Variants in OSBPL11 observed in about 807,000 individuals in gnomAD.
OSBPL11 encodes the protein oxysterol-binding protein-related protein 11.
Under a neutral mutation model 84.4 loss-of-function variants are expected in OSBPL11, and 33 were observed. That is an observed-to-expected ratio of 0.39 (90% CI 0.30 to 0.52). The LOEUF (loss-of-function observed/expected upper bound fraction) is 0.52. Ranked by LOEUF, OSBPL11 falls within the 20% of genes least tolerant of loss-of-function variation. OSBPL11 has a pLI of 0.72. For missense variants in OSBPL11, 736 were observed against 901.1 expected (o/e 0.82, Z 2.35); for synonymous variants, 276 against 310.2 (o/e 0.89, Z 1.16).
intron 11 of OSBPL11, among the ~76,000 whole-genome samples, chr3:125,534,149 C>T (rs975130988): frequency 3.3e-5 from 5 of 151,930 alleles, no homozygotes; most frequent in African/African-American, 1.2e-4. Context: ...GGGAGGCCGA[C>T]GTGAGTGGAT....
intron 1 of OSBPL11, among the ~76,000 whole-genome samples, chr3:125,584,281 G>A (rs1203474268): frequency 5.3e-5 from 8 of 151,932 alleles, no homozygotes; most frequent in African/African-American, 1.9e-4. Context: ...CAGGAGAATC[G>A]CTTGAACCCA....
In OSBPL11 at chr3:125,579,875, A is replaced by G. The variant is rs1936393954; in HGVS notation, c.399T>C (p.Tyr133=). 1 of 1,614,128 alleles carries G rather than the reference A, an allele frequency of 6.2e-7. No individual in the cohort carries two copies. The change falls in exon 3 of 13, where the codon TAT becomes TAC. Residue 133 remains tyrosine (Y), a synonymous_variant. Transcript: ENST00000296220. ...ATATTTTGGTCATACCTCTGAGTTTATATTGTTCCCCACTGGCAGCGTTTA... is the reference window on the plus strand; with the variant it reads ...ATATTTTGGTCATACCTCTGAGTTTGTATTGTTCCCCACTGGCAGCGTTTA... ...FTVNAASGEQ[Y]KLRATDAKER...
intron 5 of OSBPL11, among the ~76,000 whole-genome samples, chr3:125,573,443 G>C (rs1283527113): frequency 6.6e-6 from 1 of 152,190 alleles, no homozygotes; most frequent in Non-Finnish European, 1.5e-5. Context: ...AGCATGGACT[G>C]AAAAGGAAGG....
chr3:125,577,279 A>G (rs752176381), intron 4 of OSBPL11, among the ~76,000 whole-genome samples: 5 of 152,188 alleles, frequency 3.3e-5, no homozygotes, highest in African/African-American at 1.2e-4. Flanking sequence ...TGCTGCCCAT[A>G]TATTAATTTT....
chr3:125,586,845 G>C (rs986646082), intron 1 of OSBPL11, among the ~76,000 whole-genome samples: 1 of 152,058 alleles, frequency 6.6e-6, no homozygotes, highest in South Asian at 2.1e-4. Flanking sequence ...TTCTTTATCA[G>C]ACTTAAGATA....
chr3:125,579,601 T>C (rs1936389641), intron 3 of OSBPL11, among the ~76,000 whole-genome samples: 1 of 152,232 alleles, frequency 6.6e-6, no homozygotes, highest in African/African-American at 2.4e-5. Context: ...TCTATGTTTC[T>C]AGATTTTCAG....
At chr3:125,588,686 G>A (rs1464176550) in intron 1 of OSBPL11, among the ~76,000 whole-genome samples, 2 of 152,178 alleles carry the variant, frequency 1.3e-5, no homozygotes, top group Non-Finnish European at 2.9e-5. Context: ...ATGAAGCGGG[G>A]AGTGGCTTGC....
At chr3:125,583,958 A>G (rs1936467105) in intron 1 of OSBPL11, among the ~76,000 whole-genome samples, 1 of 152,166 alleles carries the variant, frequency 6.6e-6, no homozygotes, top group African/African-American at 2.4e-5. Context: ...TTCAGGCTTA[A>G]GCAGCTCTTT....
chr3:125,580,514 CAAAAAAAAAAA>C (rs56041212), intron 2 of OSBPL11, among the ~76,000 whole-genome samples: 4 of 64,980 alleles, frequency 6.2e-5, no homozygotes, highest in Admixed American at 2.0e-4. Context: ...AACTCCGTCT[CAAAAAAAAAAA>C]AAAAAAAAAA....
Position 125,560,538 on chromosome 3 carries a change from A to T in OSBPL11, c.1015-19T>A. On this transcript the variant is annotated intron_variant, in intron 7 of 12. Transcript: ENST00000296220. The stretch of plus-strand genomic sequence containing the variant: ...CAGGCTCCTTGATGGAAAACAAAGC[A>T]AAAGTCTAGTATTTTAACTACCTAT... 1.3e-6 allele frequency: 2 copies of T among 1,539,054 alleles called. No individual in the cohort carries two copies.
At chr3:125,535,082 G>C (rs77470052) in intron 11 of OSBPL11, among the ~76,000 whole-genome samples, 1 of 151,258 alleles carries the variant, frequency 6.6e-6, no homozygotes, top group East Asian at 1.9e-4. Context: ...CCAAAATCTG[G>C]TTTTTTGTGT....
Position 125,552,345 on chromosome 3 carries a change from G to A in OSBPL11, c.1490C>T (p.Ser497Leu). ...AACAAATCTGACTGTGTAACAGTCT[G>A]ATCCCACCTGGGTCAAAGACTCCCC... ...LSGESLTQVG[S>L]DCYTVRFVAE... The change falls in exon 9 of 13, where the codon TCA (serine) becomes TTA (leucine). Residue 497 changes from serine to leucine, a missense_variant. By Grantham distance (145) the Ser-to-Leu change is moderately radical. Coordinates refer to ENST00000296220, the MANE Select transcript of OSBPL11 (RefSeq NM_022776.5). 2.5e-6 allele frequency: 4 copies of A among 1,614,064 alleles called. No individual in the cohort carries two copies. Among genetic ancestry groups the A allele is most frequent in the Non-Finnish European group, 2.5e-6 (3 of 1,180,012 alleles).
At chr3:125,579,761 T>C (rs752267857) in intron 3 of OSBPL11, 104 bp downstream of exon 3, 1 of 973,878 alleles carries the variant, frequency 1.0e-6, no homozygotes, top group Non-Finnish European at 1.6e-6. Flanking sequence ...ACATCACTGA[T>C]GACAGCAGTT....
intron 6 of OSBPL11, among the ~76,000 whole-genome samples, chr3:125,566,936 C>A (rs754184492): frequency 6.6e-6 from 1 of 152,076 alleles, no homozygotes; most frequent in African/African-American, 2.4e-5. Flanking sequence ...GCATGAGCCA[C>A]CTCGCCTAGC....
intron 5 of OSBPL11, among the ~76,000 whole-genome samples, chr3:125,568,413 AGAG>A (rs1936193785): frequency 6.6e-6 from 1 of 151,336 alleles, no homozygotes; most frequent in Admixed American, 6.6e-5. Flanking sequence ...CCTGGGCGAT[AGAG>A]TGAGACTACG....
chr3:125,546,241 AC>A (rs1935813175), intron 10 of OSBPL11, among the ~76,000 whole-genome samples: 1 of 149,260 alleles, frequency 6.7e-6, no homozygotes, highest in Non-Finnish European at 1.5e-5. Flanking sequence ...TGGCACAATC[AC>A]GGCTCATTGC....
chr3:125,562,705 T>C (rs1025730017), intron 7 of OSBPL11, among the ~76,000 whole-genome samples: 1 of 152,156 alleles, frequency 6.6e-6, no homozygotes, highest in Non-Finnish European at 1.5e-5. Flanking sequence ...GGTGGGTAGA[T>C]CACCTGAGGT....
In OSBPL11 at chr3:125,589,686, C is replaced by T. The variant is rs188495461; in HGVS notation, c.164+4951G>A. On this transcript the variant is annotated intron_variant, in intron 1 of 12. Transcript: ENST00000296220. ...CAACTCAGAAGAAGAGGTAAAACCTCTAAGACCATGAACATTCATTTATAT... is the reference window on the plus strand; with the variant it reads ...CAACTCAGAAGAAGAGGTAAAACCTTTAAGACCATGAACATTCATTTATAT... Among the ~76,000 whole-genome samples, 828 of 151,752 alleles carry T rather than the reference C, an allele frequency of 5.5e-3. 3 individuals are homozygous for T. The highest frequency in any genetic ancestry group is 0.017 in the Middle Eastern group (5 of 286).
Position 125,594,791 on chromosome 3 carries a change from C to A in OSBPL11, c.10G>T (p.Gly4Cys), listed in dbSNP as rs181657026. The A allele has an allele frequency of 1.5e-4, 243 of 1,613,534 alleles. 2 individuals carry two copies. In the East Asian group the frequency reaches 5.2e-3, roughly 34 times the overall value. MQG[G>C]EPVSTMKVSE... is the part of the protein sequence containing the mutation. ...ACTTTCATTGTGGACACTGGTTCAC[C>A]CCCCTGCATCTTAACGCCAAAGTCC... The change falls in exon 1 of 13, where the codon GGT becomes TGT. Residue 4 changes from glycine to cysteine, a missense_variant. By Grantham distance (159) the Gly-to-Cys change is radical. This residue lies in a region of OSBPL11 where 114 missense variants were observed against 104.9 expected (regional missense o/e 1.09). Coordinates refer to ENST00000296220, the MANE Select transcript of OSBPL11 (RefSeq NM_022776.5).
Sources: gnomAD v4.1 joint callset for allele counts (sites outside exome capture counted in the v4.1 genomes callset) on GRCh38, gnomAD v4.1.1 for gene constraint, gnomAD v4.1.1 regional missense constraint, MANE v1.5 for transcripts, NCBI Gene and HGNC (gene_info 2026-07-23, HGNC 2026-07-21) for gene names.